PDLIM1: variants seen among roughly 807,000 people sequenced by gnomAD.
The protein encoded by PDLIM1 is PDZ and LIM domain protein 1.
Under a neutral mutation model 35.2 loss-of-function variants are expected in PDLIM1, and 25 were observed. That is an observed-to-expected ratio of 0.71 (90% CI 0.52 to 0.99). The LOEUF (loss-of-function observed/expected upper bound fraction) is 0.99, where lower values mean the gene tolerates loss of function less well. Ranked by LOEUF, PDLIM1 falls within the 50% of genes least tolerant of loss-of-function variation. PDLIM1 has a pLI of 0.00. For missense variants in PDLIM1, 363 were observed against 415.3 expected (o/e 0.87, Z 1.09); for synonymous variants, 152 against 154.0 (o/e 0.99, Z 0.10).
At chr10:95,271,588 CT>C (rs774432919) in intron 2 of PDLIM1, 44 bp downstream of exon 2, 1 of 1,545,306 alleles carries the variant, frequency 6.5e-7, no homozygotes, top group Non-Finnish European at 8.7e-7. Flanking sequence ...CCACAAACAG[CT>C]TCTAGTCAAT....
chr10:95,272,290 A>G (rs1039857737), intron 1 of PDLIM1, among the ~76,000 whole-genome samples: 3 of 152,220 alleles, frequency 2.0e-5, no homozygotes, highest in Non-Finnish European at 4.4e-5. Context: ...AATGTTATAT[A>G]TACAAAAGAA....
At chr10:95,283,012 C>CGTGCTTTTA (rs1358821978) in intron 1 of PDLIM1, among the ~76,000 whole-genome samples, 1 of 152,148 alleles carries the variant, frequency 6.6e-6, no homozygotes, top group African/African-American at 2.4e-5. Flanking sequence ...TAAATAGCTC[C>CGTGCTTTTA]AACAGCTACC....
At chr10:95,264,421 A>T (rs965898597) in intron 3 of PDLIM1, among the ~76,000 whole-genome samples, 1 of 152,220 alleles carries the variant, frequency 6.6e-6, no homozygotes, top group African/African-American at 2.4e-5. Flanking sequence ...GGCACATACC[A>T]AAGAGATTAA....
chr10:95,246,713 C>T (rs886093353), intron 5 of PDLIM1, among the ~76,000 whole-genome samples: 4 of 152,172 alleles, frequency 2.6e-5, no homozygotes, highest in African/African-American at 9.7e-5. Flanking sequence ...CAAGGGGGAG[C>T]TCTTGGGCCC....
At chr10:95,288,723 A>G (rs1183945774) in intron 1 of PDLIM1, among the ~76,000 whole-genome samples, 2 of 152,186 alleles carry the variant, frequency 1.3e-5, no homozygotes, top group Non-Finnish European at 2.9e-5. Context: ...TCCATGTATT[A>G]ATAAGGAGCT....
chr10:95,286,325 C>G (rs778414261), intron 1 of PDLIM1, among the ~76,000 whole-genome samples: 7 of 151,638 alleles, frequency 4.6e-5, no homozygotes, highest in East Asian at 1.9e-4. Flanking sequence ...CCACTGAACT[C>G]TAGCCTGGGC....
chr10:95,260,287 T>A (rs578070867), intron 4 of PDLIM1, among the ~76,000 whole-genome samples: 1 of 152,344 alleles, frequency 6.6e-6, no homozygotes, highest in African/African-American at 2.4e-5. Flanking sequence ...GAGCTGGAAT[T>A]CAAGGCTCAG....
At chr10:95,246,703 C>G (rs1481815561) in intron 5 of PDLIM1, among the ~76,000 whole-genome samples, 1 of 152,300 alleles carries the variant, frequency 6.6e-6, no homozygotes, top group South Asian at 2.1e-4. Flanking sequence ...AACATGGCCA[C>G]AAGGGGGAGC....
At chr10:95,268,888 T>C in intron 2 of PDLIM1, 26 bp from the exon 3 acceptor site, 1 of 1,489,520 alleles carries the variant, frequency 6.7e-7, no homozygotes, top group Non-Finnish European at 9.4e-7. Context: ...AAAGCTGCTG[T>C]TTCACTCATG....
chr10:95,239,440 A>C (rs1166518914), intron 5 of PDLIM1, among the ~76,000 whole-genome samples: 2 of 152,246 alleles, frequency 1.3e-5, no homozygotes, highest in African/African-American at 2.4e-5. Context: ...AAATTTTTGC[A>C]ATCTATCCAT....
Position 95,237,700 on chromosome 10 carries a change from G to A in PDLIM1, c.*225C>T, listed in dbSNP as rs1204766956. ...CGGTGGGGCGAAGGGACACAGTGTTGCTGACAAGGTGACACTGAACAAAAC... is the reference window on the plus strand; with the variant it reads ...CGGTGGGGCGAAGGGACACAGTGTTACTGACAAGGTGACACTGAACAAAAC... On this transcript the variant is annotated 3_prime_UTR_variant, in exon 7 of 7. Transcript: ENST00000329399. 1.5e-5 allele frequency: 8 copies of A among 532,616 alleles called. No individual in the cohort carries two copies. The highest frequency in any genetic ancestry group is 2.7e-5 in the Non-Finnish European group (8 of 299,098). The allele number at this position is 532,616 out of a possible 1,614,324, so 33.0% of individuals were successfully genotyped here. A position where few individuals can be genotyped will look rare whatever the true frequency, so the allele number is the denominator to read the frequency against.
chr10:95,278,624 A>AAAAAG (rs1306152654), intron 1 of PDLIM1, among the ~76,000 whole-genome samples: 2 of 152,312 alleles, frequency 1.3e-5, no homozygotes, highest in East Asian at 1.9e-4. Context: ...CTCAAAAAAA[A>AAAAAG]AAAAGAAAAG....
chr10:95,289,864 C>T (rs1211158076), intron 1 of PDLIM1, among the ~76,000 whole-genome samples: 6 of 152,246 alleles, frequency 3.9e-5, no homozygotes, highest in Admixed American at 2.6e-4. Flanking sequence ...GAGGTACTTA[C>T]TGAGTCTCTT....
At chr10:95,247,879 C>T (rs868222937) in intron 4 of PDLIM1, among the ~76,000 whole-genome samples, 4 of 152,230 alleles carry the variant, frequency 2.6e-5, no homozygotes, top group South Asian at 2.1e-4. Context: ...GGTCTCCTCA[C>T]CTATAACACA....
chr10:95,261,839 T>C (rs2035364288), intron 4 of PDLIM1, among the ~76,000 whole-genome samples: 1 of 151,978 alleles, frequency 6.6e-6, no homozygotes, highest in Admixed American at 6.6e-5. Flanking sequence ...AGAAACCCCA[T>C]CTATACTAAA....
intron 3 of PDLIM1, among the ~76,000 whole-genome samples, chr10:95,268,345 G>A (rs1455952995): frequency 6.6e-6 from 1 of 152,166 alleles, no homozygotes; most frequent in Admixed American, 6.5e-5. Flanking sequence ...GGCATACAGT[G>A]GGGAGAAGCA....
At chr10:95,269,504 A>C (rs1484933129) in intron 2 of PDLIM1, among the ~76,000 whole-genome samples, 1 of 150,314 alleles carries the variant, frequency 6.7e-6, no homozygotes, top group East Asian at 2.0e-4. Context: ...CCCAGGAGGC[A>C]GAGGTTGCAG....
intron 1 of PDLIM1, among the ~76,000 whole-genome samples, chr10:95,285,854 G>A (rs1160263314): frequency 2.0e-5 from 3 of 152,126 alleles, no homozygotes; most frequent in African/African-American, 7.2e-5. Context: ...AATGGTGCCT[G>A]GCATATTAAA....
chr10:95,238,500 A>G (rs1026506635), intron 6 of PDLIM1, 68 bp downstream of exon 6: 3 of 988,254 alleles, frequency 3.0e-6, no homozygotes, highest in African/African-American at 3.2e-5. Flanking sequence ...AACATCCAGC[A>G]CTTTCCACAT....
Sources: allele counts gnomAD v4.1 joint callset (sites outside exome capture counted in the v4.1 genomes callset), GRCh38; gene constraint gnomAD v4.1.1; transcripts MANE v1.5; gene names NCBI Gene and HGNC (gene_info 2026-07-23, HGNC 2026-07-21).